Variants in RASA2 observed in about 807,000 individuals in gnomAD.
RASA2 encodes the protein RAS p21 protein activator 2, also known as ras GTPase-activating protein 2.
RASA2 carries 155 observed loss-of-function variants against 118.2 expected under a neutral mutation model. That is an observed-to-expected ratio of 1.31 (90% CI 1.15 to 1.50). The LOEUF (loss-of-function observed/expected upper bound fraction) is 1.50, where lower values mean the gene tolerates loss of function less well. Ranked by LOEUF, RASA2 falls within the 40% of genes most tolerant of loss-of-function variation. The pLI, the probability that RASA2 is intolerant of heterozygous loss-of-function variation, is 0.00. For missense variants in RASA2, 1,016 were observed against 1,009.6 expected (o/e 1.01, Z -0.09); for synonymous variants, 353 against 349.1 (o/e 1.01, Z -0.12).
At chr3:141,503,014 A>T (rs1415130894) in intron 1 of RASA2, among the ~76,000 whole-genome samples, 1 of 152,208 alleles carries the variant, frequency 6.6e-6, no homozygotes, top group African/African-American at 2.4e-5. Flanking sequence ...CTTACCAGCT[A>T]TGTAACTGAA....
At position 141,598,025 on chromosome 3, in the gene RASA2, C is replaced by G. The variant is rs80157408; in HGVS notation, c.1934-9653C>G. Among the ~76,000 whole-genome samples the G allele has an allele frequency of 2.7e-3, 408 of 152,204 alleles. 1 individual carries two copies. Among genetic ancestry groups the G allele is most frequent in the African/African-American group, 9.4e-3 (390 of 41,540 alleles). On this transcript the variant is annotated intron_variant, in intron 19 of 23. Coordinates refer to ENST00000286364, the MANE Select transcript of RASA2 (RefSeq NM_006506.5). ...CAGATGCAAGAAAAAAGTAGAATAT[C>G]TTAAAAACCCTGTATCTCTGCTTGT...
In RASA2 at chr3:141,613,188, G is replaced by A. The variant is rs1299525566; in HGVS notation, c.*875G>A. 1 of 152,156 alleles carries A rather than the reference G, an allele frequency of 6.6e-6. No homozygotes were observed. Among genetic ancestry groups the A allele is most frequent in the African/African-American group, 2.4e-5 (1 of 41,432 alleles). The allele number at this position is 152,156 out of a possible 1,614,324, so 9.4% of individuals were successfully genotyped here. A position where few individuals can be genotyped will look rare whatever the true frequency, so the allele number is the denominator to read the frequency against. ...TTGTAATAAGGGCCACCATAAGGATGCCCTCCTCATAGTGTTCGGTTCTGA... is the reference window on the plus strand; with the variant it reads ...TTGTAATAAGGGCCACCATAAGGATACCCTCCTCATAGTGTTCGGTTCTGA... On this transcript the variant is annotated 3_prime_UTR_variant, in exon 24 of 24. Transcript: ENST00000286364.
At chr3:141,584,863 T>C (rs2083174384) in intron 17 of RASA2, among the ~76,000 whole-genome samples, 1 of 152,110 alleles carries the variant, frequency 6.6e-6, no homozygotes, top group Non-Finnish European at 1.5e-5. Flanking sequence ...TGAAATACTT[T>C]TATTCATTCT....
intron 3 of RASA2, among the ~76,000 whole-genome samples, chr3:141,519,271 C>T (rs1353704682): frequency 6.6e-6 from 1 of 152,068 alleles, no homozygotes; most frequent in Non-Finnish European, 1.5e-5. Context: ...GCCATTCTTG[C>T]ATATTATCAT....
chr3:141,587,825 CT>C lies in RASA2; in HGVS notation c.1933+1075del, dbSNP rs201900143. Among the ~76,000 whole-genome samples the C allele has an allele frequency of 1.4e-3, 219 of 152,086 alleles. 7 individuals carry two copies. In the East Asian group the frequency reaches 0.024, roughly 17 times the overall value. On this transcript the variant is annotated intron_variant, in intron 19 of 23. Transcript: ENST00000286364. ...AGATCACATCTATATAGTAGAATCC[CT>C]TCTGTCCAAAATGATCAGGATCCAG...
chr3:141,591,712 C>T (rs1260645816), intron 19 of RASA2, among the ~76,000 whole-genome samples: 1 of 152,208 alleles, frequency 6.6e-6, no homozygotes, highest in Non-Finnish European at 1.5e-5. Flanking sequence ...ATACACACAA[C>T]TTTCATGTGA....
At chr3:141,602,206 C>G (rs1207951677) in intron 19 of RASA2, among the ~76,000 whole-genome samples, 1 of 152,158 alleles carries the variant, frequency 6.6e-6, no homozygotes, top group East Asian at 1.9e-4. Context: ...AAAAGCTAGA[C>G]ATTTTTAAGA....
At chr3:141,535,705 G>A (rs2082317214) in intron 4 of RASA2, among the ~76,000 whole-genome samples, 1 of 151,942 alleles carries the variant, frequency 6.6e-6, no homozygotes. Context: ...ATGAGAGAGG[G>A]AGCAAGAGAC....
rs557785046 is a variant in RASA2 at position 141,529,600 on chromosome 3, C to A, written c.356-108C>A. 48 of 676,384 alleles carry A rather than the reference C, an allele frequency of 7.1e-5. No individual in the cohort carries two copies. In the East Asian group the frequency reaches 1.4e-3, roughly 19 times the overall value. 41.9% of individuals were successfully genotyped at this position (676,384 alleles called of 1,614,324 possible). A position where few individuals can be genotyped will look rare whatever the true frequency, so the allele number is the denominator to read the frequency against. ...AAATGGATTTTTATGTCAATAGGTA[C>A]AAATCATTTTAAAATATTTTCTATA... On this transcript the variant is annotated intron_variant, in intron 3 of 23. Coordinates refer to ENST00000286364, the MANE Select transcript of RASA2 (RefSeq NM_006506.5).
Position 141,589,898 on chromosome 3 carries a change from A to G in RASA2, c.1933+3146A>G, listed in dbSNP as rs1399214932. Among the ~76,000 whole-genome samples, 4 of 152,184 alleles carry G rather than the reference A, an allele frequency of 2.6e-5. No individual in the cohort carries two copies. In the East Asian group the frequency reaches 5.8e-4, roughly 22 times the overall value. Reference sequence around the variant, plus strand: ...TCTGTCCACTGATTTTAAGAGGACAAAATTCTCTAGAATGATGAGGCTACT... The same window carrying G: ...TCTGTCCACTGATTTTAAGAGGACAGAATTCTCTAGAATGATGAGGCTACT... On this transcript the variant is annotated intron_variant, in intron 19 of 23. Transcript: ENST00000286364.
chr3:141,598,295 T>C (rs2083407251), intron 19 of RASA2, among the ~76,000 whole-genome samples: 1 of 152,180 alleles, frequency 6.6e-6, no homozygotes, highest in Non-Finnish European at 1.5e-5. Flanking sequence ...CAATCCATAA[T>C]GAAGTGGGGT....
intron 4 of RASA2, among the ~76,000 whole-genome samples, chr3:141,538,554 C>T (rs1043171619): frequency 6.6e-6 from 1 of 151,988 alleles, no homozygotes; most frequent in Non-Finnish European, 1.5e-5. Context: ...ATTTCTTTTG[C>T]TAAGGATAGT....
At chr3:141,544,116 T>A (rs1049170506) in intron 5 of RASA2, among the ~76,000 whole-genome samples, 1 of 152,148 alleles carries the variant, frequency 6.6e-6, no homozygotes, top group African/African-American at 2.4e-5. Context: ...CCTGAAGTGA[T>A]CCTTCTGCCT....
At chr3:141,558,765 T>A (rs2082685998) in intron 7 of RASA2, 121 bp from the exon 8 acceptor site, 2 of 781,376 alleles carry the variant, frequency 2.6e-6, no homozygotes, top group Non-Finnish European at 4.2e-6. Flanking sequence ...GAGTAAAATA[T>A]TACTTGGACA....
chr3:141,543,945 A>G (rs1312563783), intron 5 of RASA2, among the ~76,000 whole-genome samples: 1 of 134,054 alleles, frequency 7.5e-6, no homozygotes, highest in Non-Finnish European at 1.5e-5. Flanking sequence ...GTGTGATCTC[A>G]GCTCACTGCA....
chr3:141,490,662 C>T (rs1032394121), intron 1 of RASA2, among the ~76,000 whole-genome samples: 1 of 152,132 alleles, frequency 6.6e-6, no homozygotes, highest in Non-Finnish European at 1.5e-5. Context: ...TCTCTGGTGT[C>T]TTCAGACCAA....
At chr3:141,588,278 C>G (rs79685526) in intron 19 of RASA2, among the ~76,000 whole-genome samples, 1,769 of 152,264 alleles carry the variant, frequency 0.012, 15 homozygotes, top group Non-Finnish European at 0.017. Flanking sequence ...TGGGCACTTA[C>G]TTTGTCTCTT....
intron 19 of RASA2, among the ~76,000 whole-genome samples, chr3:141,587,387 A>C (rs1034190879): frequency 6.6e-6 from 1 of 152,208 alleles, no homozygotes; most frequent in Admixed American, 6.5e-5. Flanking sequence ...CCTTTAAATA[A>C]ACTACTTTTG....
intron 1 of RASA2, among the ~76,000 whole-genome samples, chr3:141,508,533 A>C (rs1024517392): frequency 2.6e-5 from 4 of 152,088 alleles, no homozygotes; most frequent in Non-Finnish European, 2.9e-5. Context: ...ATGCACCACC[A>C]CGCCTGGCTA....
Sources: gnomAD v4.1 joint callset for allele counts (sites outside exome capture counted in the v4.1 genomes callset) on GRCh38, gnomAD v4.1.1 for gene constraint, MANE v1.5 for transcripts, NCBI Gene and HGNC (gene_info 2026-07-23, HGNC 2026-07-21) for gene names.